The following KDM4C variants were observed in gnomAD, a reference collection of about 807,000 sequenced individuals.
KDM4C encodes lysine demethylase 4C.
A neutral mutation model predicts 129.3 loss-of-function variants in KDM4C; 81 were observed. The observed-to-expected ratio is 0.63, with a 90% CI of 0.52 to 0.75. The LOEUF (loss-of-function observed/expected upper bound fraction) is 0.75, where lower values mean the gene tolerates loss of function less well. Among genes scored for constraint, KDM4C ranks in the 30% least tolerant of loss-of-function variants. KDM4C has a pLI of 0.00. For missense variants in KDM4C, 1,457 were observed against 1,304.0 expected (o/e 1.12, Z -1.81); for synonymous variants, 573 against 456.1 (o/e 1.26, Z -3.26).
chr9:7,008,706 C>T (rs192971481), intron 12 of KDM4C, among the ~76,000 whole-genome samples: 80 of 152,326 alleles, frequency 5.3e-4, no homozygotes, highest in Admixed American at 7.2e-4. Context: ...TGGCCTAACT[C>T]AGTAGACCCA....
chr9:7,128,310 G>C, intron 19 of KDM4C, 74 bp downstream of exon 19: 1 of 1,271,320 alleles, frequency 7.9e-7, no homozygotes, highest in Non-Finnish European at 1.0e-6. Flanking sequence ...GAGCCCTTCA[G>C]AATTTTTCTT....
In KDM4C at chr9:7,174,701, T is replaced by C. The variant is rs765815324; in HGVS notation, c.3143T>C (p.Phe1048Ser). The C allele has an allele frequency of 6.2e-7, 1 of 1,614,136 alleles. No individual in the cohort carries two copies. The highest frequency in any genetic ancestry group is 8.5e-7 in the Non-Finnish European group (1 of 1,179,996). ...TACCGCACTTTTTTGAAGAGCTCTT[T>C]CCAGAAGAAGTGCCAGAAGAGACAG... ...PVYRTFLKSS[F>S]QKKCQKRQ The change falls in exon 22 of 22, where the codon TTC becomes TCC. Residue 1048 changes from phenylalanine (F) to serine (S), a missense_variant. Coordinates refer to ENST00000381309, the MANE Select transcript of KDM4C (RefSeq NM_015061.6).
intron 3 of KDM4C, among the ~76,000 whole-genome samples, chr9:6,810,450 A>G (rs1237089685): frequency 6.6e-6 from 1 of 152,232 alleles, no homozygotes; most frequent in Non-Finnish European, 1.5e-5. Context: ...TTAACAGAAT[A>G]TACATTTCTT....
intron 5 of KDM4C, among the ~76,000 whole-genome samples, chr9:6,861,688 T>A (rs1173523832): frequency 6.6e-6 from 1 of 152,182 alleles, no homozygotes; most frequent in Non-Finnish European, 1.5e-5. Context: ...TTGTGTGGGC[T>A]TCATAGAGGA....
chr9:6,751,777 GA>G (rs1818069722), intron 1 of KDM4C, among the ~76,000 whole-genome samples: 1 of 152,150 alleles, frequency 6.6e-6, no homozygotes, highest in Admixed American at 6.6e-5. Flanking sequence ...GCTGCAGGCT[GA>G]AAATTGAGCT....
At chr9:7,170,361 A>C in intron 21 of KDM4C, 1 of 1,011,554 alleles carries the variant, frequency 9.9e-7, no homozygotes, top group Non-Finnish European at 1.2e-6. Context: ...TGTTTGTGTC[A>C]GTTCATCATT....
chr9:7,062,918 TC>T (rs1472394877), intron 17 of KDM4C, among the ~76,000 whole-genome samples: 1 of 152,170 alleles, frequency 6.6e-6, no homozygotes, highest in Non-Finnish European at 1.5e-5. Context: ...AACTAATTTT[TC>T]CCTTATTTTA....
Position 7,164,142 on chromosome 9 carries a change from G to C in KDM4C, c.2782-1096G>C, listed in dbSNP as rs1225620545. Among the ~76,000 whole-genome samples the C allele has an allele frequency of 3.3e-5, 5 of 152,140 alleles. No individual in the cohort carries two copies. In the East Asian group the frequency reaches 9.6e-4, roughly 29 times the overall value. On this transcript the variant is annotated intron_variant, in intron 19 of 21. Coordinates refer to ENST00000381309, the MANE Select transcript of KDM4C (RefSeq NM_015061.6). ...ATTGGTCAAGTGTGCATTTCATTCA[G>C]ATTGTCCTCATCAGTAAAATACCAG...
intron 8 of KDM4C, among the ~76,000 whole-genome samples, chr9:6,907,562 T>C (rs1818544261): frequency 6.6e-6 from 1 of 152,186 alleles, no homozygotes; most frequent in Admixed American, 6.5e-5. Flanking sequence ...GCCAAAACTT[T>C]AGGGGAAGAG....
intron 17 of KDM4C, among the ~76,000 whole-genome samples, chr9:7,072,001 A>G (rs78346002): frequency 0.036 from 5,497 of 152,288 alleles, 306 homozygotes; most frequent in African/African-American, 0.12. Flanking sequence ...GCAAAATTTT[A>G]TCTTACACTT....
intron 5 of KDM4C, among the ~76,000 whole-genome samples, chr9:6,862,729 C>A (rs1000169750): frequency 6.6e-6 from 1 of 152,068 alleles, no homozygotes; most frequent in Non-Finnish European, 1.5e-5. Flanking sequence ...ATTGCTTGAT[C>A]CCGGGAGGAG....
chr9:7,076,653 ATCT>A (rs1348867317), intron 17 of KDM4C: 75 of 1,311,378 alleles, frequency 5.7e-5, no homozygotes, highest in Non-Finnish European at 6.4e-5. Flanking sequence ...TCCCTTTTGT[ATCT>A]GTCATTTTCC....
chr9:7,128,796 G>T (rs1389345560), intron 19 of KDM4C, among the ~76,000 whole-genome samples: 3 of 152,110 alleles, frequency 2.0e-5, no homozygotes, highest in Non-Finnish European at 4.4e-5. Flanking sequence ...GTGCGCGTGT[G>T]TGTGTGTCTG....
Position 6,792,024 on chromosome 9 carries a change from A to G in KDM4C, c.-17-948A>G, listed in dbSNP as rs550666298. ...GCAACAGGAGTAAAACTCCGTCTCA[A>G]AAAGAAAAAGAGAAAAGGAAAATTT... On this transcript the variant is annotated intron_variant, in intron 1 of 21. Transcript: ENST00000381309. Among the ~76,000 whole-genome samples the G allele has an allele frequency of 3.3e-5, 5 of 151,842 alleles. No homozygotes were observed. In the East Asian group the frequency reaches 9.8e-4, roughly 30 times the overall value.
At chr9:7,011,553 C>G in intron 12 of KDM4C, 145 bp from the exon 13 acceptor site, 2 of 701,302 alleles carry the variant, frequency 2.9e-6, no homozygotes, top group East Asian at 5.4e-5. Flanking sequence ...TCCTGGCTCT[C>G]TCAGGATGTA....
At position 7,103,541 on chromosome 9, in the gene KDM4C, G is replaced by A. The variant is rs188700848; in HGVS notation, c.2425-144G>A. 1.7e-3 allele frequency: 1,080 copies of A among 627,454 alleles called. 11 individuals are homozygous for A. The highest frequency in any genetic ancestry group is 1.1e-4 in the Non-Finnish European group (41 of 359,684). 38.9% of individuals were successfully genotyped at this position (627,454 alleles called of 1,614,324 possible). Reference sequence around the variant, plus strand: ...TTGCCACAGATGCTGTCACCACTAGGGCCCCTGGAGGGGTCAGGACTTGTT... The same window carrying A: ...TTGCCACAGATGCTGTCACCACTAGAGCCCCTGGAGGGGTCAGGACTTGTT... On this transcript the variant is annotated intron_variant, in intron 17 of 21. Transcript: ENST00000381309.
chr9:7,057,808 A>T (rs963384386), intron 17 of KDM4C, among the ~76,000 whole-genome samples: 2 of 152,200 alleles, frequency 1.3e-5, no homozygotes, highest in Admixed American at 6.5e-5. Flanking sequence ...AGATTCCACC[A>T]ACTTCCCCTG....
upstream of KDM4C, chr9:6,757,581 C>T (rs576055616): frequency 3.9e-5 from 38 of 965,046 alleles, no homozygotes; most frequent in South Asian, 1.5e-3. Context: ...GCCAGGCTCT[C>T]CAGTACATTC....
At chr9:6,830,684 C>T (rs1245712859) in intron 4 of KDM4C, among the ~76,000 whole-genome samples, 2 of 152,056 alleles carry the variant, frequency 1.3e-5, no homozygotes, top group African/African-American at 4.8e-5. Context: ...GAATAATGTG[C>T]CTATGTGTAT....
Sources: allele counts gnomAD v4.1 joint callset (sites outside exome capture counted in the v4.1 genomes callset), GRCh38; gene constraint gnomAD v4.1.1; transcripts MANE v1.5; gene names NCBI Gene and HGNC (gene_info 2026-07-23, HGNC 2026-07-21).